Variants in VPS13A observed in about 807,000 individuals in gnomAD.
VPS13A encodes vacuolar protein sorting 13 homolog A.
In VPS13A, 264 loss-of-function variants were observed where a neutral mutation model predicts 390.9. That is an observed-to-expected ratio of 0.68 (90% CI 0.61 to 0.75). The LOEUF (loss-of-function observed/expected upper bound fraction) is 0.75, where lower values mean the gene tolerates loss of function less well. Among genes scored for constraint, VPS13A ranks in the 30% least tolerant of loss-of-function variants. The pLI is 0.00. For missense variants in VPS13A, 3,409 were observed against 3,733.9 expected (o/e 0.91, Z 2.27); for synonymous variants, 1,231 against 1,227.1 (o/e 1.00, Z -0.07).
At chr9:77,288,916 T>C (rs185727558) in intron 31 of VPS13A, among the ~76,000 whole-genome samples, 14 of 152,312 alleles carry the variant, frequency 9.2e-5, no homozygotes, top group African/African-American at 1.4e-4. Flanking sequence ...TAGGTACATA[T>C]AAATGTGTAT....
At chr9:77,288,325 G>A (rs1270901388) in intron 31 of VPS13A, among the ~76,000 whole-genome samples, 2 of 151,984 alleles carry the variant, frequency 1.3e-5, no homozygotes, top group African/African-American at 4.8e-5. Context: ...CCTTCTGCCT[G>A]CTTTGGATTT....
At chr9:77,335,213 C>T (rs1448762779) in intron 46 of VPS13A, among the ~76,000 whole-genome samples, 1 of 151,958 alleles carries the variant, frequency 6.6e-6, no homozygotes, top group Non-Finnish European at 1.5e-5. Context: ...AGTGTGGGTT[C>T]AAAAATTAAG....
chr9:77,351,569 G>A lies in VPS13A; in HGVS notation c.7419+123G>A, dbSNP rs565294114. 56 of 1,244,754 alleles carry A rather than the reference G, an allele frequency of 4.5e-5. No homozygotes were observed. The East Asian group carries it at 6.4e-4, about 14-fold the overall frequency. 77.1% of individuals were successfully genotyped at this position (1,244,754 alleles called of 1,614,324 possible). ...GGAGGCTGAGGTGGGCCATGAGTTG[G>A]AGATCAGCCTGGCCAATAAGGTGAA... On this transcript the variant is annotated intron_variant, in intron 53 of 71. Coordinates refer to ENST00000360280, the MANE Select transcript of VPS13A (RefSeq NM_033305.3).
At chr9:77,322,805 T>C (rs1311341169) in intron 44 of VPS13A, among the ~76,000 whole-genome samples, 1 of 152,040 alleles carries the variant, frequency 6.6e-6, no homozygotes, top group Non-Finnish European at 1.5e-5. Flanking sequence ...TTGTATTTTA[T>C]AGTACTTGCT....
intron 31 of VPS13A, among the ~76,000 whole-genome samples, chr9:77,289,805 G>C (rs1827545724): frequency 7.0e-6 from 1 of 143,132 alleles, no homozygotes; most frequent in Admixed American, 7.0e-5. Flanking sequence ...TTTTGAGACA[G>C]AGTCTTGCTC....
rs550400772 is a variant in VPS13A, at chr9:77,333,899, A to G, written c.6095+1786A>G. 3.3e-5 allele frequency among the ~76,000 whole-genome samples: 5 copies of G among 152,316 alleles called. No individual in the cohort carries two copies. In the South Asian group the frequency reaches 1.0e-3, roughly 32 times the overall value. On this transcript the variant is annotated intron_variant, in intron 46 of 71. Transcript: ENST00000360280. The stretch of plus-strand genomic sequence containing the variant: ...AGGTTTTCTGTGGGTGAGACACTCA[A>G]TACCAAGATGAATTGCATGTGGCTA...
chr9:77,403,141 T>C (rs1834459365), intron 68 of VPS13A, 95 bp from the exon 69 acceptor site: 1 of 823,004 alleles, frequency 1.2e-6, no homozygotes, highest in African/African-American at 1.7e-5. Flanking sequence ...GTTTGCCCCA[T>C]TGAGAAATGG....
chr9:77,287,014 G>T (rs903601465), intron 31 of VPS13A, among the ~76,000 whole-genome samples: 1 of 151,674 alleles, frequency 6.6e-6, no homozygotes, highest in Non-Finnish European at 1.5e-5. Flanking sequence ...TGTTGAACTC[G>T]GAGAGGAACA....
At chr9:77,227,178 A>T (rs1823566721) in intron 15 of VPS13A, among the ~76,000 whole-genome samples, 1 of 152,312 alleles carries the variant, frequency 6.6e-6, no homozygotes, top group Middle Eastern at 3.4e-3. Context: ...TACAAATATT[A>T]TAAATTAATG....
intron 6 of VPS13A, 35 bp from the exon 7 acceptor site, chr9:77,210,581 A>G (rs1825925736): frequency 6.2e-7 from 1 of 1,605,202 alleles, no homozygotes; most frequent in African/African-American, 1.3e-5. Flanking sequence ...CAACTACTAA[A>G]AATCTGAATA....
intron 3 of VPS13A, among the ~76,000 whole-genome samples, chr9:77,203,325 G>A (rs1825438530): frequency 6.6e-6 from 1 of 152,176 alleles, no homozygotes; most frequent in African/African-American, 2.4e-5. Context: ...ATCTTGCTCT[G>A]TTGCCCAGGC....
intron 50 of VPS13A, 131 bp from the exon 51 acceptor site, chr9:77,344,022 C>T: frequency 2.4e-6 from 2 of 819,442 alleles, no homozygotes; most frequent in Non-Finnish European, 3.7e-6. Flanking sequence ...TTTAAACAAC[C>T]CAATAACTAG....
chr9:77,244,151 T>C (rs1197714388), intron 19 of VPS13A, among the ~76,000 whole-genome samples: 1 of 152,152 alleles, frequency 6.6e-6, no homozygotes, highest in African/African-American at 2.4e-5. Flanking sequence ...GACTGGAGGA[T>C]TGCTTGAGCC....
At chr9:77,196,270 A>G (rs1174747799) in intron 1 of VPS13A, among the ~76,000 whole-genome samples, 1 of 152,216 alleles carries the variant, frequency 6.6e-6, no homozygotes, top group Non-Finnish European at 1.5e-5. Context: ...TACATTGTAT[A>G]AAAATCAAAT....
chr9:77,387,137 CA>C (rs11415950), intron 68 of VPS13A, among the ~76,000 whole-genome samples: 26 of 147,012 alleles, frequency 1.8e-4, no homozygotes, highest in Middle Eastern at 3.5e-3. Flanking sequence ...CTAGTAAAAG[CA>C]AAAAAAAAAG....
intron 50 of VPS13A, among the ~76,000 whole-genome samples, chr9:77,342,471 A>C (rs1396137077): frequency 1.1e-4 from 17 of 152,056 alleles, no homozygotes. Context: ...TTGGTAACAC[A>C]AATTGAGAGT....
chr9:77,280,958 G>A (rs557963111), intron 27 of VPS13A, among the ~76,000 whole-genome samples: 11 of 152,224 alleles, frequency 7.2e-5, no homozygotes, highest in Admixed American at 3.3e-4. Context: ...TTTAAAAAAG[G>A]GGGGGAATCC....
chr9:77,245,935 C>G (rs566626018), intron 19 of VPS13A, among the ~76,000 whole-genome samples: 1 of 152,102 alleles, frequency 6.6e-6, no homozygotes, highest in Admixed American at 6.5e-5. Context: ...GTTGGGGAGC[C>G]CACATGTGCA....
chr9:77,302,632 CA>C (rs779079856), intron 33 of VPS13A, among the ~76,000 whole-genome samples: 12 of 152,030 alleles, frequency 7.9e-5, no homozygotes, highest in Non-Finnish European at 1.5e-4. Flanking sequence ...CTCAGCCTCT[CA>C]AAAGTGCTGG....
Sources: allele counts gnomAD v4.1 joint callset (sites outside exome capture counted in the v4.1 genomes callset), GRCh38; gene constraint gnomAD v4.1.1; transcripts MANE v1.5; gene names NCBI Gene and HGNC (gene_info 2026-07-23, HGNC 2026-07-21).